Variants in HSPA4 observed in about 807,000 individuals in gnomAD.
HSPA4 encodes heat shock 70 kDa protein 4.
HSPA4 carries 25 observed loss-of-function variants against 106.2 expected under a neutral mutation model. That is an observed-to-expected ratio of 0.24 (90% CI 0.17 to 0.33). The LOEUF (loss-of-function observed/expected upper bound fraction) is 0.33. HSPA4 is among the 10% of genes least tolerant of loss of function. HSPA4 has a pLI of 1.00. For missense variants in HSPA4, 841 were observed against 996.0 expected (o/e 0.84, Z 2.10); for synonymous variants, 332 against 333.6 (o/e 1.00, Z 0.05).
chr5:133,100,500 C>T (rs1441264988), intron 16 of HSPA4, among the ~76,000 whole-genome samples: 2 of 152,008 alleles, frequency 1.3e-5, no homozygotes, highest in African/African-American at 4.8e-5. Flanking sequence ...GGGTTCACGC[C>T]ATTCTCCTGC....
In HSPA4 at chr5:133,104,015, G is replaced by A. The variant is rs1765823527; in HGVS notation, c.2308G>A (p.Ala770Thr). The A allele has an allele frequency of 6.2e-7, 1 of 1,610,222 alleles. No individual in the cohort carries two copies. Residue 770 changes from alanine to threonine, a missense_variant, in exon 18 of 19, where the codon GCT becomes ACT. Transcript: ENST00000304858. ...DPVVKSKEIE[A>T]KIKELTSTCS... ...AGTTGTCAAGTCAAAAGAGATTGAA[G>A]CTAAAATTAAGGTAATTTAAGACTT...
chr5:133,089,653 T>C lies in HSPA4; in HGVS notation c.1336T>C (p.Tyr446His), dbSNP rs1262146403. ...GGAACCTTTCACTCTTGAGGCCTACTACAGCTCTCCTCAGGATTTGCCCTA... is the reference window on the plus strand; with the variant it reads ...GGAACCTTTCACTCTTGAGGCCTACCACAGCTCTCCTCAGGATTTGCCCTA... ...RKEPFTLEAY[Y>H]SSPQDLPYPD... The change falls in exon 11 of 19, where the codon TAC becomes CAC. Residue 446 changes from tyrosine (Y) to histidine (H), a missense_variant. By Grantham distance (83) the Tyr-to-His change is moderately conservative (BLOSUM62 2). Coordinates refer to ENST00000304858, the MANE Select transcript of HSPA4 (RefSeq NM_002154.4). 20 of 1,611,298 alleles carry C rather than the reference T, an allele frequency of 1.2e-5. No individual in the cohort carries two copies. Among genetic ancestry groups the C allele is most frequent in the Middle Eastern group, 1.7e-4 (1 of 6,060 alleles).
At chr5:133,090,303 C>T (rs1367202745) in intron 11 of HSPA4, among the ~76,000 whole-genome samples, 8 of 151,622 alleles carry the variant, frequency 5.3e-5, no homozygotes, top group East Asian at 1.9e-4. Flanking sequence ...TGGTGGCGGG[C>T]GCCTGTAATC....
rs757597247 is a variant in HSPA4 at position 133,076,815 on chromosome 5, A to G, written c.825A>G (p.Lys275=). ...CTCAGGAGTGTGAGAAACTCAAGAA[A>G]TTGATGAGTGCAAATGCTTCAGATC... is the stretch of plus-strand genomic sequence containing the variant. ...RLSQECEKLK[K]LMSANASDLP... The change falls in exon 7 of 19, where the codon AAA becomes AAG. Residue 275 remains lysine (K), a synonymous_variant. Coordinates refer to ENST00000304858, the MANE Select transcript of HSPA4 (RefSeq NM_002154.4). 2 of 1,613,580 alleles carry G rather than the reference A, an allele frequency of 1.2e-6. No homozygotes were observed. Among genetic ancestry groups the G allele is most frequent in the East Asian group, 4.5e-5 (2 of 44,848 alleles).
chr5:133,061,562 T>A lies in HSPA4; in HGVS notation c.108-3418T>A, dbSNP rs372291096. 4.6e-5 allele frequency among the ~76,000 whole-genome samples: 7 copies of A among 152,324 alleles called. No homozygotes were observed. In the East Asian group the frequency reaches 7.7e-4, roughly 17 times the overall value. Reference sequence around the variant, plus strand: ...TTAGTATTGATAATGTAATTCGGTTTGTGGTTGGTGTTAAGTAGAAATTAA... The same window carrying A: ...TTAGTATTGATAATGTAATTCGGTTAGTGGTTGGTGTTAAGTAGAAATTAA... On this transcript the variant is annotated intron_variant, in intron 1 of 18. Transcript: ENST00000304858.
chr5:133,053,130 C>G (rs1406874624), intron 1 of HSPA4, among the ~76,000 whole-genome samples: 1 of 152,092 alleles, frequency 6.6e-6, no homozygotes, highest in Non-Finnish European at 1.5e-5. Context: ...CTCAAGGGCC[C>G]GCCTTGACTT....
intron 8 of HSPA4, among the ~76,000 whole-genome samples, chr5:133,087,233 C>T (rs1401464047): frequency 6.6e-6 from 1 of 152,234 alleles, no homozygotes; most frequent in African/African-American, 2.4e-5. Context: ...AGGATAACCA[C>T]ATACTTATTT....
chr5:133,088,321 A>T, intron 8 of HSPA4, 83 bp from the exon 9 acceptor site: 1 of 972,880 alleles, frequency 1.0e-6, no homozygotes, highest in Non-Finnish European at 1.6e-6. Context: ...GAGTTTTGTT[A>T]CACATCTGAG....
At chr5:133,064,853 T>C in intron 1 of HSPA4, 127 bp from the exon 2 acceptor site, 1 of 843,644 alleles carries the variant, frequency 1.2e-6, no homozygotes, top group Non-Finnish European at 1.9e-6. Context: ...AATAGAAAGG[T>C]CAAAATCATA....
At chr5:133,056,089 G>A (rs990830730) in intron 1 of HSPA4, among the ~76,000 whole-genome samples, 2 of 151,966 alleles carry the variant, frequency 1.3e-5, no homozygotes, top group African/African-American at 4.8e-5. Context: ...AAATAAGTTG[G>A]GTAGAAGGTG....
intron 7 of HSPA4, among the ~76,000 whole-genome samples, chr5:133,080,159 A>T (rs1178084465): frequency 6.6e-6 from 1 of 151,024 alleles, no homozygotes; most frequent in East Asian, 1.9e-4. Context: ...CACACCTGTA[A>T]TCCTAGCACT....
At chr5:133,102,187 A>G (rs573779240) in intron 17 of HSPA4, among the ~76,000 whole-genome samples, 6 of 152,306 alleles carry the variant, frequency 3.9e-5, no homozygotes, top group African/African-American at 1.4e-4. Context: ...TTGGCCTCCC[A>G]AAGTGCTGGC....
intron 14 of HSPA4, 117 bp from the exon 15 acceptor site, chr5:133,097,044 A>G: frequency 1.4e-6 from 1 of 716,360 alleles, no homozygotes; most frequent in South Asian, 2.4e-5. Context: ...TTGTTATGTG[A>G]CTTGCAGAAC....
intron 14 of HSPA4, among the ~76,000 whole-genome samples, chr5:133,096,516 A>G (rs1416414331): frequency 6.6e-6 from 1 of 152,078 alleles, no homozygotes; most frequent in Admixed American, 6.6e-5. Flanking sequence ...TAGGGGAGGT[A>G]TTGTTCATTT....
intron 1 of HSPA4, among the ~76,000 whole-genome samples, chr5:133,060,137 G>T (rs1349461197): frequency 6.6e-6 from 1 of 150,686 alleles, no homozygotes; most frequent in Non-Finnish European, 1.5e-5. Flanking sequence ...GTTAATAGTG[G>T]CCCTCTGTGG....
intron 16 of HSPA4, among the ~76,000 whole-genome samples, chr5:133,101,357 T>TG (rs1477928787): frequency 6.6e-6 from 1 of 152,218 alleles, no homozygotes; most frequent in African/African-American, 2.4e-5. Flanking sequence ...TTCACCTCCC[T>TG]GGTGGTATTT....
chr5:133,086,913 T>C, intron 8 of HSPA4, 55 bp downstream of exon 8: 1 of 1,289,534 alleles, frequency 7.8e-7, no homozygotes, highest in African/African-American at 1.5e-5. Context: ...TTGGAAATTG[T>C]TATTTATTAT....
At chr5:133,084,801 T>C (rs953217348) in intron 7 of HSPA4, among the ~76,000 whole-genome samples, 2 of 152,094 alleles carry the variant, frequency 1.3e-5, no homozygotes, top group Admixed American at 6.6e-5. Flanking sequence ...TGTAATTTAA[T>C]AAAGTTACCC....
chr5:133,064,303 C>G (rs552294200), intron 1 of HSPA4, among the ~76,000 whole-genome samples: 1 of 152,058 alleles, frequency 6.6e-6, no homozygotes, highest in Admixed American at 6.6e-5. Flanking sequence ...GTCAGGAGTT[C>G]GATACCAGCC....
Sources: allele counts gnomAD v4.1 joint callset (sites outside exome capture counted in the v4.1 genomes callset), GRCh38; gene constraint gnomAD v4.1.1; transcripts MANE v1.5; gene names NCBI Gene and HGNC (gene_info 2026-07-23, HGNC 2026-07-21).